The following DPP10 variants were observed in gnomAD, a reference collection of about 807,000 sequenced individuals.
DPP10 encodes the protein dipeptidyl peptidase like 10.
A neutral mutation model predicts 120.9 loss-of-function variants in DPP10; 33 were observed. The ratio of observed to expected loss-of-function variants is 0.27; its 90% confidence interval spans 0.21 to 0.37. The LOEUF (loss-of-function observed/expected upper bound fraction) is 0.37, where lower values mean the gene tolerates loss of function less well. Ranked by LOEUF, DPP10 falls within the 10% of genes least tolerant of loss-of-function variation. The pLI, the probability that DPP10 is intolerant of heterozygous loss-of-function variation, is 1.00. For synonymous variants in DPP10, 337 were observed against 326.1 expected (o/e 1.03, Z -0.36); for missense variants, 816 against 942.8 (o/e 0.87, Z 1.76).
intron 5 of DPP10, among the ~76,000 whole-genome samples, chr2:115,555,710 T>A (rs1036121818): frequency 2.6e-5 from 4 of 152,146 alleles, no homozygotes; most frequent in Non-Finnish European, 5.9e-5. Context: ...TGTGGCATAT[T>A]TGGTCCCTTC....
chr2:114,807,981 C>T (rs190254754), intron 1 of DPP10, among the ~76,000 whole-genome samples: 21 of 152,310 alleles, frequency 1.4e-4, no homozygotes, highest in African/African-American at 5.1e-4. Flanking sequence ...ATTAACATAA[C>T]CTGGGCTTCC....
At chr2:115,620,722 G>A (rs1325281567) in intron 5 of DPP10, among the ~76,000 whole-genome samples, 3 of 152,108 alleles carry the variant, frequency 2.0e-5, no homozygotes, top group East Asian at 3.9e-4. Context: ...TATGATCATG[G>A]ACATTTGCCT....
intron 1 of DPP10, among the ~76,000 whole-genome samples, chr2:114,845,764 C>T (rs1402533376): frequency 1.3e-5 from 2 of 152,154 alleles, no homozygotes; most frequent in Non-Finnish European, 2.9e-5. Flanking sequence ...TTGTCAATCA[C>T]TTCTAAATAG....
chr2:114,912,799 A>G (rs992426841), intron 1 of DPP10, among the ~76,000 whole-genome samples: 8 of 152,186 alleles, frequency 5.3e-5, no homozygotes, highest in Non-Finnish European at 7.4e-5. Flanking sequence ...AGCAGACTAC[A>G]TGATTCTCAT....
At chr2:115,510,243 T>A (rs2077155539) in intron 4 of DPP10, among the ~76,000 whole-genome samples, 1 of 152,134 alleles carries the variant, frequency 6.6e-6, no homozygotes, top group African/African-American at 2.4e-5. Context: ...CATTGTTAAT[T>A]TAGACTAACT....
intron 3 of DPP10, among the ~76,000 whole-genome samples, chr2:115,444,836 C>T (rs2072420328): frequency 6.6e-6 from 1 of 152,138 alleles, no homozygotes; most frequent in African/African-American, 2.4e-5. Flanking sequence ...GTTAGTTTTG[C>T]TGGTAGGCCT....
intron 5 of DPP10, among the ~76,000 whole-genome samples, chr2:115,615,679 C>T (rs556795143): frequency 1.4e-4 from 22 of 152,130 alleles, no homozygotes; most frequent in African/African-American, 5.1e-4. Flanking sequence ...TAAGTCATAT[C>T]TGTTTAATAT....
chr2:115,475,163 C>G (rs2074994394), intron 3 of DPP10, among the ~76,000 whole-genome samples: 1 of 151,880 alleles, frequency 6.6e-6, no homozygotes, highest in Non-Finnish European at 1.5e-5. Context: ...AGTACTTCTC[C>G]TCACAGGCCC....
At chr2:115,124,476 G>A (rs1017044448) in intron 1 of DPP10, among the ~76,000 whole-genome samples, 1 of 152,196 alleles carries the variant, frequency 6.6e-6, no homozygotes, top group East Asian at 1.9e-4. Flanking sequence ...GCCCCTGCAT[G>A]GCAGCTCTCT....
chr2:115,791,617 G>T (rs1250589891), intron 19 of DPP10, among the ~76,000 whole-genome samples: 3 of 152,094 alleles, frequency 2.0e-5, no homozygotes, highest in African/African-American at 7.2e-5. Flanking sequence ...TTGATTTGTG[G>T]GTGTCTGCTT....
In DPP10 at chr2:115,130,356, CTT is replaced by C. The variant is rs2050278966; in HGVS notation, c.61-178879_61-178878del. 5.3e-5 allele frequency among the ~76,000 whole-genome samples: 8 copies of C among 152,172 alleles called. No homozygotes were observed. In the South Asian group the frequency reaches 1.7e-3, roughly 32 times the overall value. ...TTGTTACGTTCTTCCTTAAAACTCT[CTT>C]TTTCCTCAGCTTCTGAGAAATAATC... is the stretch of plus-strand genomic sequence containing the variant. On this transcript the variant is annotated intron_variant, in intron 1 of 25. Transcript: ENST00000410059.
chr2:115,784,868 T>A (rs1342114378), intron 17 of DPP10, among the ~76,000 whole-genome samples: 1 of 152,170 alleles, frequency 6.6e-6, no homozygotes, highest in African/African-American at 2.4e-5. Context: ...TTCATTTTTG[T>A]AGTTTACACT....
Position 115,791,130 on chromosome 2 carries a change from G to A in DPP10, c.1581G>A (p.Lys527=), listed in dbSNP as rs545564277. 1.8e-5 allele frequency: 29 copies of A among 1,613,612 alleles called. No homozygotes were observed. The East Asian group carries it at 6.0e-4, about 34-fold the overall frequency. The change falls in exon 18 of 26, where the codon AAG becomes AAA. Residue 527 remains lysine, a synonymous_variant. Coordinates refer to ENST00000410059, the MANE Select transcript of DPP10 (RefSeq NM_020868.6). ...CTATGCTGAAGGAAGCTATCCTGAAGAAGAAGATAGGAAAGCCAGAAATTA... is the reference window on the plus strand; with the variant it reads ...CTATGCTGAAGGAAGCTATCCTGAAAAAGAAGATAGGAAAGCCAGAAATTA... ...SNSMLKEAIL[K]KKIGKPEIKI...
At chr2:115,750,978 A>G (rs1678629916) in intron 10 of DPP10, among the ~76,000 whole-genome samples, 1 of 152,172 alleles carries the variant, frequency 6.6e-6, no homozygotes, top group Non-Finnish European at 1.5e-5. Flanking sequence ...TGCACAAAAT[A>G]TAATATTATG....
intron 5 of DPP10, among the ~76,000 whole-genome samples, chr2:115,551,211 T>C (rs2079851621): frequency 6.6e-6 from 1 of 152,134 alleles, no homozygotes; most frequent in Non-Finnish European, 1.5e-5. Context: ...CATTTCAGAT[T>C]GTAATAATTG....
chr2:115,292,192 A>G (rs2060685033), intron 1 of DPP10, among the ~76,000 whole-genome samples: 1 of 152,140 alleles, frequency 6.6e-6, no homozygotes, highest in Non-Finnish European at 1.5e-5. Context: ...CCTAAACTTC[A>G]TAGGAATGAA....
chr2:114,480,530 A>G (rs184951063), intron 1 of DPP10, among the ~76,000 whole-genome samples: 2,270 of 152,196 alleles, frequency 0.015, 63 homozygotes, highest in African/African-American at 0.052. Context: ...GCAGCCATAA[A>G]AAAAGGATGA....
intron 1 of DPP10, among the ~76,000 whole-genome samples, chr2:115,079,297 G>A (rs1459393416): frequency 1.3e-5 from 2 of 151,864 alleles, no homozygotes; most frequent in South Asian, 2.1e-4. Context: ...GGAGGATGGC[G>A]TGAACCCGGG....
At chr2:115,500,822 A>C (rs2076645179) in intron 4 of DPP10, among the ~76,000 whole-genome samples, 1 of 152,034 alleles carries the variant, frequency 6.6e-6, no homozygotes, top group African/African-American at 2.4e-5. Context: ...ACTAACCCTT[A>C]CGGAGAATTT....
Sources: allele counts gnomAD v4.1 joint callset (sites outside exome capture counted in the v4.1 genomes callset), GRCh38; gene constraint gnomAD v4.1.1; transcripts MANE v1.5; gene names NCBI Gene and HGNC (gene_info 2026-07-23, HGNC 2026-07-21).